DLGAP1: variants seen among roughly 807,000 people sequenced by gnomAD.
DLGAP1 encodes the protein disks large-associated protein 1.
In DLGAP1, 11 loss-of-function variants were observed where a neutral mutation model predicts 90.8. The observed-to-expected ratio is 0.12, with a 90% CI of 0.08 to 0.20. The LOEUF (loss-of-function observed/expected upper bound fraction) is 0.20, where lower values mean the gene tolerates loss of function less well. Ranked by LOEUF, DLGAP1 falls within the 10% of genes least tolerant of loss-of-function variation. DLGAP1 has a pLI of 1.00. For synonymous variants in DLGAP1, 558 were observed against 540.7 expected (o/e 1.03, Z -0.44); for missense variants, 1,050 against 1,333.8 (o/e 0.79, Z 3.31).
At chr18:3,933,995 A>T (rs2072577813) in intron 3 of DLGAP1, among the ~76,000 whole-genome samples, 1 of 152,170 alleles carries the variant, frequency 6.6e-6, no homozygotes, top group Admixed American at 6.5e-5. Context: ...TTAAACATTA[A>T]ATGATGGATT....
Position 4,342,802 on chromosome 18 carries a change from CAG to C in DLGAP1, c.-267+112202_-267+112203del, listed in dbSNP as rs1275575211. 6.6e-6 allele frequency among the ~76,000 whole-genome samples: 1 copy of C among 152,082 alleles called. No individual in the cohort carries two copies. Among genetic ancestry groups the C allele is most frequent in the Non-Finnish European group, 1.5e-5 (1 of 67,982 alleles). On this transcript the variant is annotated intron_variant, in intron 1 of 12. Transcript: ENST00000315677. This position sits in a 1 kb window ranked among gnomAD's most constrained non-coding sequence, Gnocchi z 5.8. The stretch of plus-strand genomic sequence containing the variant: ...CCCAAAATGAAGAATATTTAATAGA[CAG>C]AAAATCTTTACAAATTTTTTGATTT...
intron 1 of DLGAP1, among the ~76,000 whole-genome samples, chr18:4,232,498 TATGA>T (rs1221304081): frequency 3.3e-5 from 5 of 152,188 alleles, no homozygotes. Flanking sequence ...TGTGTCATTT[TATGA>T]ATGAAGGTCT....
chr18:3,654,036 C>T (rs1482215333), intron 7 of DLGAP1: 2 of 152,322 alleles, frequency 1.3e-5, no homozygotes, highest in African/African-American at 4.8e-5. Flanking sequence ...ACACGTCCCC[C>T]CAGCCCAACA....
At chr18:3,847,212 A>G (rs917049967) in intron 4 of DLGAP1, among the ~76,000 whole-genome samples, 2 of 152,224 alleles carry the variant, frequency 1.3e-5, no homozygotes, top group African/African-American at 4.8e-5. Flanking sequence ...GAGATGTTAT[A>G]AAATTATTAA....
At chr18:3,546,851 G>T (rs1008536709) in intron 9 of DLGAP1, among the ~76,000 whole-genome samples, 2 of 151,728 alleles carry the variant, frequency 1.3e-5, no homozygotes, top group African/African-American at 4.8e-5. Context: ...CAGAATAAAG[G>T]AAATTATAAG....
intron 4 of DLGAP1, among the ~76,000 whole-genome samples, chr18:3,857,802 C>T (rs1599021850): frequency 1.3e-5 from 2 of 152,130 alleles, no homozygotes; most frequent in East Asian, 3.9e-4. Context: ...GTGATAACTC[C>T]CCAGTGCCTT....
chr18:3,907,154 G>A (rs938847569), intron 3 of DLGAP1, among the ~76,000 whole-genome samples: 10 of 133,436 alleles, frequency 7.5e-5, no homozygotes, highest in Non-Finnish European at 1.5e-4. Context: ...GGGGCAGGGC[G>A]GGGGTCCTGG....
intron 4 of DLGAP1, among the ~76,000 whole-genome samples, chr18:3,827,537 C>G (rs1260376741): frequency 6.6e-6 from 1 of 152,180 alleles, no homozygotes; most frequent in Non-Finnish European, 1.5e-5. Flanking sequence ...TCATGAATAG[C>G]TTTATCTTCC....
Position 4,059,456 on chromosome 18 carries a change from G to A in DLGAP1, c.-158-54255C>T, listed in dbSNP as rs372963166. Among the ~76,000 whole-genome samples, 610 of 152,238 alleles carry A rather than the reference G, an allele frequency of 4.0e-3. 5 individuals are homozygous for A. The highest frequency in any genetic ancestry group is 5.6e-3 in the Non-Finnish European group (383 of 68,014). On this transcript the variant is annotated intron_variant, in intron 2 of 12. Transcript: ENST00000315677. ...AATAAACTAGAAGGCATGAGCCGCC[G>A]CACCTGGCACTTTGGGAGGCCAAGA...
chr18:3,716,549 T>G (rs2061768084), intron 7 of DLGAP1, among the ~76,000 whole-genome samples: 1 of 149,862 alleles, frequency 6.7e-6, no homozygotes, highest in African/African-American at 2.4e-5. Context: ...TTTTTTTTTC[T>G]TTTATTATAA....
chr18:4,280,176 A>C lies in DLGAP1; in HGVS notation c.-266-128889T>G, dbSNP rs555084675. Among the ~76,000 whole-genome samples, 7 of 152,342 alleles carry C rather than the reference A, an allele frequency of 4.6e-5. No homozygotes were observed. The East Asian group carries it at 1.3e-3, about 29-fold the overall frequency. On this transcript the variant is annotated intron_variant, in intron 1 of 12. Transcript: ENST00000315677. The stretch of plus-strand genomic sequence containing the variant: ...TAATATCTGTATAAGTTGATTAAAA[A>C]AATGTAAGCATGTATAGTCCTGCCA...
At chr18:4,268,664 A>T (rs1358330521) in intron 1 of DLGAP1, among the ~76,000 whole-genome samples, 1 of 152,194 alleles carries the variant, frequency 6.6e-6, no homozygotes, top group African/African-American at 2.4e-5. Context: ...AGGTTTCTAT[A>T]AGAATTATTT....
chr18:3,757,992 T>C (rs943264644), intron 5 of DLGAP1, among the ~76,000 whole-genome samples: 12 of 151,660 alleles, frequency 7.9e-5, no homozygotes, highest in Admixed American at 7.2e-4. Flanking sequence ...GGTGGGTGCC[T>C]GTAATCCTAG....
chr18:3,664,918 G>A (rs1396047387), intron 7 of DLGAP1, among the ~76,000 whole-genome samples: 1 of 152,170 alleles, frequency 6.6e-6, no homozygotes, highest in East Asian at 1.9e-4. Context: ...TTTGCACCTT[G>A]TGAAAATCTG....
chr18:3,669,518 T>C (rs1368642292), intron 7 of DLGAP1, among the ~76,000 whole-genome samples: 2 of 152,146 alleles, frequency 1.3e-5, no homozygotes, highest in Non-Finnish European at 2.9e-5. Context: ...CACGAGTGGT[T>C]ATGTGTCTGG....
At chr18:3,930,676 T>G (rs2072496811) in intron 3 of DLGAP1, among the ~76,000 whole-genome samples, 1 of 152,070 alleles carries the variant, frequency 6.6e-6, no homozygotes, top group African/African-American at 2.4e-5. Context: ...CTTCTACGGA[T>G]CCCAAAGGGA....
At chr18:4,064,417 C>G (rs4567825) in intron 2 of DLGAP1, among the ~76,000 whole-genome samples, 1 of 151,030 alleles carries the variant, frequency 6.6e-6, no homozygotes, top group African/African-American at 2.4e-5. Context: ...CGAGATTTTT[C>G]TTGAAAAAAT....
intron 12 of DLGAP1, among the ~76,000 whole-genome samples, chr18:3,501,488 G>C (rs775563535): frequency 6.6e-6 from 1 of 152,196 alleles, no homozygotes; most frequent in Non-Finnish European, 1.5e-5. Flanking sequence ...ACGGGGGACA[G>C]TGATGAGAGC....
In DLGAP1 at chr18:4,068,800, G is replaced by C. The variant is rs376064416; in HGVS notation, c.-158-63599C>G. 7.2e-5 allele frequency among the ~76,000 whole-genome samples: 11 copies of C among 152,142 alleles called. No homozygotes were observed. The East Asian group carries it at 2.1e-3, about 29-fold the overall frequency. Reference sequence around the variant, plus strand: ...AACATGTCAAATGTGTAAAAGCCAGGAACTGGGGAGCACCTTAGAAAACAT... The same window carrying C: ...AACATGTCAAATGTGTAAAAGCCAGCAACTGGGGAGCACCTTAGAAAACAT... On this transcript the variant is annotated intron_variant, in intron 2 of 12. Coordinates refer to ENST00000315677, the MANE Select transcript of DLGAP1 (RefSeq NM_004746.4).
Sources: gnomAD v4.1 joint callset for allele counts (sites outside exome capture counted in the v4.1 genomes callset) on GRCh38, gnomAD v4.1.1 for gene constraint, Gnocchi (gnomAD v3.1) non-coding constraint, MANE v1.5 for transcripts, NCBI Gene and HGNC (gene_info 2026-07-23, HGNC 2026-07-21) for gene names.